Variants in MED23 observed in about 807,000 individuals in gnomAD.
MED23 encodes mediator complex subunit 23, also known as mediator of RNA polymerase II transcription subunit 23.
Under a neutral mutation model 163.9 loss-of-function variants are expected in MED23, and 105 were observed. That is an observed-to-expected ratio of 0.64 (90% CI 0.55 to 0.75). The LOEUF (loss-of-function observed/expected upper bound fraction) is 0.75. Ranked by LOEUF, MED23 falls within the 30% of genes least tolerant of loss-of-function variation. The pLI, the probability that MED23 is intolerant of heterozygous loss-of-function variation, is 0.00. For synonymous variants in MED23, 561 were observed against 565.6 expected (o/e 0.99, Z 0.12); for missense variants, 1,054 against 1,649.0 (o/e 0.64, Z 6.25).
intron 30 of MED23, among the ~76,000 whole-genome samples, chr6:131,579,916 T>A (rs1182795054): frequency 6.6e-6 from 1 of 152,030 alleles, no homozygotes; most frequent in Non-Finnish European, 1.5e-5. Context: ...CAGTGCAAAT[T>A]TCCTTGTTGC....
downstream of MED23, among the ~76,000 whole-genome samples, chr6:131,584,881 C>A (rs1774121967): frequency 6.6e-6 from 1 of 151,140 alleles, no homozygotes; most frequent in African/African-American, 2.4e-5. Context: ...CATCTGTAGT[C>A]CCAGCTACTC....
chr6:131,598,024 G>A lies in MED23; in HGVS notation c.2607+263C>T, dbSNP rs1775195916. On this transcript the variant is annotated intron_variant, in intron 20 of 28. Coordinates refer to ENST00000368068, the MANE Select transcript of MED23 (RefSeq NM_004830.4). This position sits in a 1 kb window ranked among gnomAD's most constrained non-coding sequence, Gnocchi z 4.7. ...GCAGGAGGAGATTGCTTGAGACCAG[G>A]AGGTTGAGGCTGCAGTGAGCCATGA... is the stretch of plus-strand genomic sequence containing the variant. 2.0e-5 allele frequency among the ~76,000 whole-genome samples: 3 copies of A among 152,066 alleles called. No individual in the cohort carries two copies. In the South Asian group the frequency reaches 6.2e-4, roughly 32 times the overall value.
chr6:131,598,609 A>T lies in MED23; in HGVS notation c.2373T>A (p.Cys791Ter). Reference protein sequence around the residue: ...SMQGSPPLFLCLLWKMLLETD... With the variant: ...SMQGSPPLFL ...TTTCCAAGAGCATTTTCCAGAGAAGACAAAGAAAGAGAGGAGGGGAGCCCT... is the reference window on the plus strand; with the variant it reads ...TTTCCAAGAGCATTTTCCAGAGAAGTCAAAGAAAGAGAGGAGGGGAGCCCT... Residue 791 changes from cysteine to a stop codon, truncating the protein, a stop_gained, in exon 19 of 29, where the codon TGT becomes TGA. Coordinates refer to ENST00000368068, the MANE Select transcript of MED23 (RefSeq NM_004830.4). LOFTEE classifies it high-confidence loss of function. This position sits in a 1 kb window ranked among gnomAD's most constrained non-coding sequence, Gnocchi z 4.7. The T allele has an allele frequency of 6.2e-7, 1 of 1,614,198 alleles. No homozygotes were observed. The highest frequency in any genetic ancestry group is 8.5e-7 in the Non-Finnish European group (1 of 1,180,030).
At chr6:131,617,464 CTTTT>C (rs11289798) in intron 9 of MED23, among the ~76,000 whole-genome samples, 2 of 142,966 alleles carry the variant, frequency 1.4e-5, no homozygotes, top group East Asian at 4.0e-4. Context: ...CATTAAATTT[CTTTT>C]TTTTTTTTTC....
intron 10 of MED23, among the ~76,000 whole-genome samples, chr6:131,614,900 T>C (rs1776548085): frequency 6.6e-6 from 1 of 151,788 alleles, no homozygotes; most frequent in Non-Finnish European, 1.5e-5. Context: ...TTATTTGTTT[T>C]AGTAGTCTGG....
At chr6:131,593,315 T>C (rs544747498) in intron 23 of MED23, 144 bp from the exon 24 acceptor site, 24 of 1,001,234 alleles carry the variant, frequency 2.4e-5, no homozygotes, top group African/African-American at 4.8e-5. Flanking sequence ...TTTGACATGA[T>C]TGAAATGTAT....
At chr6:131,610,008 C>T in intron 11 of MED23, 38 bp downstream of exon 11, 2 of 1,577,556 alleles carry the variant, frequency 1.3e-6, no homozygotes, top group East Asian at 2.2e-5. Context: ...CAGTAATCAA[C>T]AGGTGAAGTC....
chr6:131,605,168 CATGA>C lies in MED23; in HGVS notation c.1613+68_1613+71del, dbSNP rs1775767392. The stretch of plus-strand genomic sequence containing the variant: ...CTATGAAATAATACGCACATAAAAT[CATGA>C]AATAAAGGTTTATACTATACTCGTA... On this transcript the variant is annotated intron_variant, in intron 14 of 28. Transcript: ENST00000368068. 4.0e-6 allele frequency: 6 copies of C among 1,517,026 alleles called. 1 individual carries two copies. The Admixed American group carries it at 5.1e-5, about 13-fold the overall frequency. 94.0% of individuals were successfully genotyped at this position (1,517,026 alleles called of 1,614,324 possible).
chr6:131,606,515 T>C lies in MED23; in HGVS notation c.1331A>G (p.Gln444Arg). The change falls in exon 13 of 29, where the codon CAG becomes CGG. Residue 444 changes from glutamine to arginine, a missense_variant. By Grantham distance (43) the Gln-to-Arg change is conservative. Transcript: ENST00000368068. ...TCTTAGGGAATGAGGTATTGGAATC[T>C]GTAGCTTGGAGTTGTCATTTTGAGC... ...RKAQNDNSKL[Q>R]IPIPHSLRLH... 1.2e-6 allele frequency: 2 copies of C among 1,613,656 alleles called. No homozygotes were observed. The highest frequency in any genetic ancestry group is 1.7e-6 in the Non-Finnish European group (2 of 1,179,692).
chr6:131,585,710 T>G (rs1303884249), downstream of MED23, among the ~76,000 whole-genome samples: 1 of 152,214 alleles, frequency 6.6e-6, no homozygotes, highest in African/African-American at 2.4e-5. Flanking sequence ...CTATTAATTT[T>G]CAAAAAGAAA....
chr6:131,580,272 G>A (rs979538495), intron 30 of MED23, among the ~76,000 whole-genome samples: 2 of 152,180 alleles, frequency 1.3e-5, no homozygotes, highest in Admixed American at 1.3e-4. Flanking sequence ...TTGGGAAACT[G>A]AGGCTCGCTT....
In MED23 at chr6:131,598,819, G is replaced by A; in HGVS notation, c.2221-58C>T. The A allele has an allele frequency of 6.6e-7, 1 of 1,511,370 alleles. No individual in the cohort carries two copies. The highest frequency in any genetic ancestry group is 1.7e-5 in the Admixed American group (1 of 59,388). 93.6% of individuals were successfully genotyped at this position (1,511,370 alleles called of 1,614,324 possible). ...TTATAGTAGAAAGAGCACTGGATAT[G>A]GAGTTAATAAACCAGTTCTAGACTT... On this transcript the variant is annotated intron_variant, in intron 18 of 28. Transcript: ENST00000368068. This position sits in a 1 kb window ranked among gnomAD's most constrained non-coding sequence, Gnocchi z 4.7.
chr6:131,587,288 T>TG lies in MED23; in HGVS notation c.*390dup. On this transcript the variant is annotated 3_prime_UTR_variant, in exon 29 of 29. Coordinates refer to ENST00000368068, the MANE Select transcript of MED23 (RefSeq NM_004830.4). ...ATTTGTAATAACTGTTTTACATGTGTGGTGCCTTTAAAATAATATATCTGA... is the reference window on the plus strand; with the variant it reads ...ATTTGTAATAACTGTTTTACATGTGTGGGTGCCTTTAAAATAATATATCTGA... 1.9e-6 allele frequency: 2 copies of TG among 1,055,624 alleles called. No homozygotes were observed. Among genetic ancestry groups the TG allele is most frequent in the Non-Finnish European group, 2.3e-6 (2 of 863,654 alleles). The allele number at this position is 1,055,624 out of a possible 1,614,324, so 65.4% of individuals were successfully genotyped here. A position where few individuals can be genotyped will look rare whatever the true frequency, so the allele number is the denominator to read the frequency against.
chr6:131,596,248 A>ATT, intron 21 of MED23, 85 bp from the exon 22 acceptor site: 2 of 1,252,476 alleles, frequency 1.6e-6, no homozygotes, highest in African/African-American at 1.5e-5. Flanking sequence ...CATTGTTTAG[A>ATT]TTTTTTTTTG....
intron 12 of MED23, among the ~76,000 whole-genome samples, chr6:131,607,449 G>A (rs1427549282): frequency 1.3e-5 from 2 of 152,000 alleles, no homozygotes; most frequent in African/African-American, 2.4e-5. Context: ...GGAGGCTGAG[G>A]CAGGAGAATT....
chr6:131,609,616 T>G (rs555895113), intron 11 of MED23, among the ~76,000 whole-genome samples: 176 of 149,148 alleles, frequency 1.2e-3, no homozygotes, highest in African/African-American at 4.0e-3. Flanking sequence ...TTACCTTTTA[T>G]TTGTATTGCA....
chr6:131,620,375 C>T (rs1404616661), intron 7 of MED23, among the ~76,000 whole-genome samples: 4 of 152,130 alleles, frequency 2.6e-5, no homozygotes, highest in Non-Finnish European at 5.9e-5. Context: ...CAGCCTCAAA[C>T]TCCTGGTTTC....
At chr6:131,593,395 CAT>C (rs1167520471) in intron 23 of MED23, among the ~76,000 whole-genome samples, 1 of 152,160 alleles carries the variant, frequency 6.6e-6, no homozygotes, top group Non-Finnish European at 1.5e-5. Flanking sequence ...ATAAATATGA[CAT>C]ATAATAGCCA....
chr6:131,588,675 TACTGGGAGGGGTAGGAGGATGGACTTA>T (rs1316395470), intron 28 of MED23, among the ~76,000 whole-genome samples: 2 of 152,124 alleles, frequency 1.3e-5, no homozygotes, highest in East Asian at 1.9e-4. Context: ...CAACCTAAAG[TACTGGGAGGGGTAGGAGGATGGACTTA>T]ACTTTCCCTA....
Sources: allele counts gnomAD v4.1 joint callset (sites outside exome capture counted in the v4.1 genomes callset), GRCh38; gene constraint gnomAD v4.1.1; non-coding constraint Gnocchi (gnomAD v3.1); transcripts MANE v1.5; gene names NCBI Gene and HGNC (gene_info 2026-07-23, HGNC 2026-07-21).